LRMDA: variants seen among roughly 807,000 people sequenced by gnomAD.
LRMDA encodes the protein leucine rich melanocyte differentiation associated.
Under a neutral mutation model 29.8 loss-of-function variants are expected in LRMDA, and 18 were observed. That is an observed-to-expected ratio of 0.60 (90% CI 0.42 to 0.90). The LOEUF is 0.90. Ranked by LOEUF, LRMDA falls within the 40% of genes least tolerant of loss-of-function variation. The pLI is 0.00. For synonymous variants in LRMDA, 125 were observed against 109.4 expected, an observed-to-expected ratio of 1.14 and a Z score of -0.89; for missense variants, 273 against 273.9, an observed-to-expected ratio of 1.00 and a Z score of 0.02.
At chr10:75,915,027 T>G (rs762884854) in intron 2 of LRMDA, among the ~76,000 whole-genome samples, 3 of 152,040 alleles carry the variant, frequency 2.0e-5, no homozygotes, top group Admixed American at 1.3e-4. Context: ...TAAGTTACTA[T>G]GTCATGACTG....
At position 76,440,011 on chromosome 10, in the gene LRMDA, G is replaced by A. The variant is rs377017843; in HGVS notation, c.601+115526G>A. Among the ~76,000 whole-genome samples the A allele has an allele frequency of 4.5e-4, 68 of 152,308 alleles. No individual in the cohort carries two copies. In the South Asian group the frequency reaches 0.014, roughly 31 times the overall value. ...TGATTCCCAAGGTTGGGAGTAAAGT[G>A]TAGGAGCTCACCTCACTCTTGGTTG... is the stretch of plus-strand genomic sequence containing the variant. On this transcript the variant is annotated intron_variant, in intron 6 of 6. Transcript: ENST00000611255.
At chr10:76,394,133 T>C (rs2132487469) in intron 6 of LRMDA, among the ~76,000 whole-genome samples, 1 of 152,326 alleles carries the variant, frequency 6.6e-6, no homozygotes, top group East Asian at 1.9e-4. Context: ...CAGAATGTGA[T>C]GCAACAACAA....
intron 2 of LRMDA, among the ~76,000 whole-genome samples, chr10:75,489,793 G>T (rs1313723148): frequency 6.6e-6 from 1 of 152,168 alleles, no homozygotes; most frequent in African/African-American, 2.4e-5. Context: ...GAAAAACAAG[G>T]ATTGGACTTA....
intron 6 of LRMDA, among the ~76,000 whole-genome samples, chr10:76,445,790 G>C (rs541914091): frequency 6.6e-6 from 1 of 152,042 alleles, no homozygotes; most frequent in East Asian, 1.9e-4. Context: ...AACAAGAAAA[G>C]GTTCTGTTTG....
intron 6 of LRMDA, among the ~76,000 whole-genome samples, chr10:76,443,673 C>T (rs115601385): frequency 9.2e-5 from 14 of 152,298 alleles, no homozygotes; most frequent in African/African-American, 3.4e-4. Flanking sequence ...TCCCTCTAGA[C>T]ATGGTAGGTG....
intron 5 of LRMDA, among the ~76,000 whole-genome samples, chr10:76,152,320 G>T (rs1589352901): frequency 3.3e-5 from 5 of 152,102 alleles, no homozygotes; most frequent in Admixed American, 3.3e-4. Context: ...GTGTTTTCAA[G>T]GATGATTCTT....
intron 2 of LRMDA, among the ~76,000 whole-genome samples, chr10:75,732,316 C>T (rs1490977458): frequency 6.6e-6 from 1 of 152,142 alleles, no homozygotes; most frequent in Non-Finnish European, 1.5e-5. Flanking sequence ...GAAGACCAAA[C>T]CATGGGTAGG....
chr10:75,557,676 G>C (rs910427678), intron 2 of LRMDA, among the ~76,000 whole-genome samples: 1 of 152,190 alleles, frequency 6.6e-6, no homozygotes, highest in Non-Finnish European at 1.5e-5. Context: ...GAATCAGCTA[G>C]AGCTGGGATT....
chr10:76,340,058 A>G (rs1175284029), intron 6 of LRMDA, among the ~76,000 whole-genome samples: 1 of 152,204 alleles, frequency 6.6e-6, no homozygotes, highest in Non-Finnish European at 1.5e-5. Context: ...GAAATTAACA[A>G]TAAGACTTAG....
chr10:76,130,317 G>A (rs894634588), intron 5 of LRMDA, among the ~76,000 whole-genome samples: 1 of 152,110 alleles, frequency 6.6e-6, no homozygotes, highest in Non-Finnish European at 1.5e-5. Context: ...AACCCCATTT[G>A]GGTAGGCTAC....
chr10:76,038,884 C>T (rs1215193936), intron 3 of LRMDA, among the ~76,000 whole-genome samples: 1 of 152,190 alleles, frequency 6.6e-6, no homozygotes, highest in Non-Finnish European at 1.5e-5. Flanking sequence ...CAGGGCTCAG[C>T]AGGATGGTTC....
chr10:76,123,361 T>A (rs61862712), intron 5 of LRMDA, among the ~76,000 whole-genome samples: 1 of 143,984 alleles, frequency 6.9e-6, no homozygotes, highest in South Asian at 2.2e-4. Flanking sequence ...AAAAAAAAAT[T>A]AGCCAGGTAT....
chr10:75,495,571 T>C (rs934024643), intron 2 of LRMDA, among the ~76,000 whole-genome samples: 1 of 152,228 alleles, frequency 6.6e-6, no homozygotes. Flanking sequence ...CATTGGATCA[T>C]GACTGTCACT....
chr10:76,534,272 T>G (rs1005500327), intron 6 of LRMDA, among the ~76,000 whole-genome samples: 2 of 152,226 alleles, frequency 1.3e-5, no homozygotes, highest in African/African-American at 4.8e-5. Context: ...CTAGACTTCA[T>G]TTCATTCTCC....
chr10:75,763,298 T>C (rs965469704), intron 2 of LRMDA, among the ~76,000 whole-genome samples: 6 of 152,090 alleles, frequency 3.9e-5, no homozygotes, highest in African/African-American at 1.4e-4. Context: ...GCCAGAAATA[T>C]AAATGTAGGT....
chr10:75,563,320 A>G (rs1203998338), intron 2 of LRMDA, among the ~76,000 whole-genome samples: 1 of 151,858 alleles, frequency 6.6e-6, no homozygotes, highest in Non-Finnish European at 1.5e-5. Flanking sequence ...ATTTGATTGC[A>G]TTGGCTCCTG....
intron 5 of LRMDA, among the ~76,000 whole-genome samples, chr10:76,320,623 A>T (rs982484694): frequency 5.9e-5 from 9 of 152,246 alleles, no homozygotes; most frequent in African/African-American, 1.9e-4. Context: ...TTTTAAAAAA[A>T]TTTCAGGCTT....
At chr10:76,168,888 C>T (rs1351993829) in intron 5 of LRMDA, among the ~76,000 whole-genome samples, 1 of 152,078 alleles carries the variant, frequency 6.6e-6, no homozygotes. Context: ...CCATGAAGTC[C>T]ACTGTTTATT....
intron 2 of LRMDA, among the ~76,000 whole-genome samples, chr10:75,761,623 T>C (rs369157701): frequency 2.3e-4 from 35 of 152,262 alleles, no homozygotes; most frequent in African/African-American, 7.7e-4. Context: ...GTGATAGTTG[T>C]ACAATATTGT....
Sources: gnomAD v4.1 joint callset for allele counts (sites outside exome capture counted in the v4.1 genomes callset) on GRCh38, gnomAD v4.1.1 for gene constraint, MANE v1.5 for transcripts, NCBI Gene and HGNC (gene_info 2026-07-23, HGNC 2026-07-21) for gene names.